The following FGF12 variants were observed in gnomAD, a reference collection of about 807,000 sequenced individuals.
The protein encoded by FGF12 is fibroblast growth factor 12B.
In FGF12, 14 loss-of-function variants were observed where a neutral mutation model predicts 23.6. That is an observed-to-expected ratio of 0.59 (90% CI 0.39 to 0.93). The LOEUF (loss-of-function observed/expected upper bound fraction) is 0.93. FGF12 is among the 40% of genes least tolerant of loss of function. The probability of loss-of-function intolerance (pLI) is 0.00; values close to 1 mark genes in which losing one functional copy is unlikely to be tolerated. For missense variants in FGF12, 175 were observed against 217.8 expected, an observed-to-expected ratio of 0.80 and a Z score of 1.24; for synonymous variants, 62 against 77.3, an observed-to-expected ratio of 0.80 and a Z score of 1.04.
chr3:192,711,940 C>CAAAAAAAAAAAA (rs60779864), intron 2 of FGF12, among the ~76,000 whole-genome samples: 5 of 50,808 alleles, frequency 9.8e-5, no homozygotes, highest in East Asian at 4.8e-4. Context: ...CAAGAACGAT[C>CAAAAAAAAAAAA]AAAAAAAAAA....
At chr3:192,529,323 C>T (rs4687341) in intron 2 of FGF12, among the ~76,000 whole-genome samples, 97,805 of 152,034 alleles carry the variant, frequency 0.64, 32,125 homozygotes, top group East Asian at 0.86. Context: ...AACAAGAGAC[C>T]TTTGCTCCAG....
chr3:192,674,155 G>A (rs1717236504), intron 2 of FGF12, among the ~76,000 whole-genome samples: 1 of 139,412 alleles, frequency 7.2e-6, no homozygotes, highest in African/African-American at 2.5e-5. Context: ...ACAACCCATG[G>A]GGTAGTTATT....
In FGF12 at chr3:192,409,427, C is replaced by G. The variant is rs1196111662; in HGVS notation, c.14-48889G>C. ...CGAGGGAAGGGAGGGAAGGAAGGGG[C>G]GCCCTGGCGGGCTCGGGATCAGGTC... On this transcript the variant is annotated intron_variant, in intron 2 of 5. Coordinates refer to ENST00000445105, the MANE Select transcript of FGF12 (RefSeq NM_004113.6). The surrounding 1 kb of genome is among the most constrained non-coding windows in gnomAD (Gnocchi z 4.8). 6.6e-6 allele frequency among the ~76,000 whole-genome samples: 1 copy of G among 152,188 alleles called. No homozygotes were observed. The highest frequency in any genetic ancestry group is 1.5e-5 in the Non-Finnish European group (1 of 68,020).
chr3:192,308,627 C>T (rs931595914), intron 4 of FGF12, among the ~76,000 whole-genome samples: 1 of 151,774 alleles, frequency 6.6e-6, no homozygotes, highest in Non-Finnish European at 1.5e-5. Flanking sequence ...TTGCAGTGAG[C>T]CGAGATTGCA....
chr3:192,631,637 A>G (rs1268381709), intron 2 of FGF12, among the ~76,000 whole-genome samples: 1 of 152,174 alleles, frequency 6.6e-6, no homozygotes, highest in African/African-American at 2.4e-5. Flanking sequence ...CACTTCACAC[A>G]CTGTGATTTA....
intron 2 of FGF12, among the ~76,000 whole-genome samples, chr3:192,430,844 G>A (rs1721839761): frequency 6.6e-6 from 1 of 152,134 alleles, no homozygotes; most frequent in Non-Finnish European, 1.5e-5. Flanking sequence ...ACAACAACCT[G>A]CTTCTGTACT....
chr3:192,166,232 T>C (rs1196945547), intron 5 of FGF12, among the ~76,000 whole-genome samples: 1 of 152,190 alleles, frequency 6.6e-6, no homozygotes, highest in Non-Finnish European at 1.5e-5. Context: ...ATTGTTCACA[T>C]TTTCTGTATT....
intron 2 of FGF12, among the ~76,000 whole-genome samples, chr3:192,680,694 G>A (rs554927290): frequency 1.6e-4 from 24 of 152,182 alleles, no homozygotes; most frequent in Admixed American, 6.5e-4. Flanking sequence ...TTTAACCATA[G>A]CATCTACATT....
Position 192,682,084 on chromosome 3 carries a change from T to C in FGF12, c.13+45097A>G, listed in dbSNP as rs150046367. On this transcript the variant is annotated intron_variant, in intron 2 of 5. Coordinates refer to ENST00000445105, the MANE Select transcript of FGF12 (RefSeq NM_004113.6). ...AGTCAGACAGTCAGAATCTGGGCTC[T>C]TGATTTCTCTTTTATAATAAGTTTC... 3.0e-3 allele frequency among the ~76,000 whole-genome samples: 451 copies of C among 152,330 alleles called. 3 individuals carry two copies. Among genetic ancestry groups the C allele is most frequent in the Middle Eastern group, 6.8e-3 (2 of 294 alleles).
chr3:192,342,989 G>C (rs1717767289), intron 3 of FGF12, among the ~76,000 whole-genome samples: 1 of 151,566 alleles, frequency 6.6e-6, no homozygotes, highest in Admixed American at 6.6e-5. Flanking sequence ...AAGAGGAAGA[G>C]AGGGAGAGAG....
chr3:192,252,970 A>G (rs1336115703), intron 4 of FGF12, among the ~76,000 whole-genome samples: 1 of 152,194 alleles, frequency 6.6e-6, no homozygotes, highest in African/African-American at 2.4e-5. Flanking sequence ...AAATCACATC[A>G]GTTGTTGAAT....
chr3:192,222,184 C>A (rs1327612965), intron 4 of FGF12, among the ~76,000 whole-genome samples: 1 of 152,056 alleles, frequency 6.6e-6, no homozygotes, highest in Non-Finnish European at 1.5e-5. Context: ...GGAATGAGTA[C>A]TTAGTGCTGA....
chr3:192,548,500 A>G (rs1472360307), intron 2 of FGF12, among the ~76,000 whole-genome samples: 1 of 152,068 alleles, frequency 6.6e-6, no homozygotes, highest in Admixed American at 6.6e-5. Flanking sequence ...TCACTTCTAA[A>G]TCCCTTTTCC....
intron 2 of FGF12, among the ~76,000 whole-genome samples, chr3:192,586,182 T>A (rs1187715114): frequency 1.3e-5 from 2 of 152,172 alleles, no homozygotes; most frequent in African/African-American, 4.8e-5. Flanking sequence ...ATAACCCAGA[T>A]GAGACAAGCA....
chr3:192,475,906 G>A (rs1723303688), intron 2 of FGF12, among the ~76,000 whole-genome samples: 1 of 151,478 alleles, frequency 6.6e-6, no homozygotes, highest in African/African-American at 2.5e-5. Flanking sequence ...TAGATAGATG[G>A]TAGATATAGA....
chr3:192,491,999 C>A (rs1175031349), intron 2 of FGF12, among the ~76,000 whole-genome samples: 2 of 152,078 alleles, frequency 1.3e-5, no homozygotes, highest in African/African-American at 2.4e-5. Flanking sequence ...CCATTGGGAT[C>A]AAAACAGGAG....
At chr3:192,293,790 G>A (rs985668106) in intron 4 of FGF12, among the ~76,000 whole-genome samples, 1 of 152,158 alleles carries the variant, frequency 6.6e-6, no homozygotes, top group Non-Finnish European at 1.5e-5. Context: ...TGTTTGGGTA[G>A]TTGTAGCCAA....
chr3:192,663,095 T>G (rs1055057773), intron 2 of FGF12, among the ~76,000 whole-genome samples: 4 of 152,194 alleles, frequency 2.6e-5, no homozygotes. Context: ...AATAACACAC[T>G]AGCATGACTT....
chr3:192,563,504 T>C (rs1006789405), intron 2 of FGF12, among the ~76,000 whole-genome samples: 3 of 152,266 alleles, frequency 2.0e-5, no homozygotes, highest in African/African-American at 7.2e-5. Context: ...GTAGTTTCAA[T>C]TGTACTCCCT....
Sources: allele counts gnomAD v4.1 joint callset (sites outside exome capture counted in the v4.1 genomes callset), GRCh38; gene constraint gnomAD v4.1.1; non-coding constraint Gnocchi (gnomAD v3.1); transcripts MANE v1.5; gene names NCBI Gene and HGNC (gene_info 2026-07-23, HGNC 2026-07-21).